The following DZANK1 variants were observed in gnomAD, a reference collection of about 807,000 sequenced individuals.
The protein encoded by DZANK1 is double zinc ribbon and ankyrin repeat-containing protein 1.
In DZANK1, 91 loss-of-function variants were observed where a neutral mutation model predicts 94.5. The ratio of observed to expected loss-of-function variants is 0.96; its 90% CI spans 0.81 to 1.15. The LOEUF (loss-of-function observed/expected upper bound fraction) is 1.15, where lower values mean the gene tolerates loss of function less well. Among genes scored for constraint, DZANK1 ranks in the 50% most tolerant of loss-of-function variants. The pLI is 0.00. For missense variants in DZANK1, 903 were observed against 916.4 expected, an observed-to-expected ratio of 0.99 and a Z score of 0.19; for synonymous variants, 312 against 325.3, an observed-to-expected ratio of 0.96 and a Z score of 0.44.
chr20:18,437,822 A>G (rs191485471), intron 8 of DZANK1, among the ~76,000 whole-genome samples: 22 of 152,306 alleles, frequency 1.4e-4, no homozygotes, highest in African/African-American at 5.3e-4. Context: ...GAATGTGATA[A>G]ATTGAGGTCC....
chr20:18,461,343 T>C (rs2059464635), intron 2 of DZANK1, among the ~76,000 whole-genome samples: 1 of 152,148 alleles, frequency 6.6e-6, no homozygotes, highest in Non-Finnish European at 1.5e-5. Flanking sequence ...GAAATAAATT[T>C]AAATTTTTTT....
chr20:18,423,733 C>A (rs2057903108), intron 10 of DZANK1, among the ~76,000 whole-genome samples: 1 of 152,044 alleles, frequency 6.6e-6, no homozygotes, highest in African/African-American at 2.4e-5. Context: ...AAGAAGAAAT[C>A]ACTGATAAAT....
intron 19 of DZANK1, among the ~76,000 whole-genome samples, chr20:18,389,426 GC>G (rs1235788794): frequency 6.6e-6 from 1 of 152,132 alleles, no homozygotes; most frequent in African/African-American, 2.4e-5. Context: ...GGATTTACTG[GC>G]CCCACACAGT....
At chr20:18,389,594 T>C in intron 19 of DZANK1, 107 bp downstream of exon 19, 1 of 1,453,602 alleles carries the variant, frequency 6.9e-7, no homozygotes, top group Non-Finnish European at 9.2e-7. Flanking sequence ...ATGGTTAAAG[T>C]GGCTGAAACT....
chr20:18,406,937 T>C (rs2056994148), intron 13 of DZANK1, among the ~76,000 whole-genome samples: 1 of 152,022 alleles, frequency 6.6e-6, no homozygotes, highest in Admixed American at 6.5e-5. Context: ...TGTGGACCAG[T>C]AGTGGTGGTG....
chr20:18,393,747 C>G (rs754878964), exon 17 of DZANK1: 1 of 1,613,022 alleles, frequency 6.2e-7, no homozygotes, highest in Non-Finnish European at 8.5e-7. Flanking sequence ...AAGTTTTGGT[C>G]TTGAAATTCT....
At chr20:18,436,584 GA>G (rs1248933459) in intron 8 of DZANK1, among the ~76,000 whole-genome samples, 2 of 151,918 alleles carry the variant, frequency 1.3e-5, no homozygotes, top group African/African-American at 4.8e-5. Context: ...AAAATAAGCA[GA>G]ACATCAAAAA....
chr20:18,408,223 G>C (rs1237834474), intron 13 of DZANK1, among the ~76,000 whole-genome samples: 2 of 152,200 alleles, frequency 1.3e-5, no homozygotes, highest in Admixed American at 1.3e-4. Context: ...GGCTGAGGCA[G>C]GAGAATCGCT....
At chr20:18,464,079 C>CTT (rs539384962) in intron 2 of DZANK1, among the ~76,000 whole-genome samples, 1 of 144,968 alleles carries the variant, frequency 6.9e-6, no homozygotes. Flanking sequence ...TTTTCTTTTT[C>CTT]TTTTTTTTTT....
At chr20:18,411,587 A>G (rs2057258527) in intron 13 of DZANK1, among the ~76,000 whole-genome samples, 1 of 152,218 alleles carries the variant, frequency 6.6e-6, no homozygotes, top group Non-Finnish European at 1.5e-5. Context: ...ACTTCAAAAA[A>G]AAAGAAGTGT....
intron 13 of DZANK1, among the ~76,000 whole-genome samples, chr20:18,409,578 ACACAC>A (rs760960223): frequency 7.8e-5 from 10 of 128,118 alleles, no homozygotes; most frequent in Non-Finnish European, 1.7e-4. Flanking sequence ...ACACACACAC[ACACAC>A]CACCACCACC....
At chr20:18,449,209 A>G (rs2059003887) in intron 6 of DZANK1, 140 bp from the exon 7 acceptor site, 1 of 682,382 alleles carries the variant, frequency 1.5e-6, no homozygotes, top group Non-Finnish European at 2.4e-6. Flanking sequence ...TAGACACTAT[A>G]GACTCTAAAA....
chr20:18,428,273 C>G (rs2148575486), intron 9 of DZANK1, among the ~76,000 whole-genome samples: 1 of 152,000 alleles, frequency 6.6e-6, no homozygotes, highest in African/African-American at 2.4e-5. Flanking sequence ...ACTGCAACCT[C>G]TGCCTCCCGG....
At chr20:18,433,939 T>C (rs2058396017) in intron 8 of DZANK1, 174 bp from the exon 9 acceptor site, 1 of 563,918 alleles carries the variant, frequency 1.8e-6, no homozygotes, top group African/African-American at 1.9e-5. Flanking sequence ...AATGTAAAGT[T>C]TGATTTGTTT....
At position 18,389,930 on chromosome 20, in the gene DZANK1, TGCAACTAAAGTGCTTTCAGATCAAAGGA is replaced by T; in HGVS notation, c.1891-130_1891-103del. ...TAACAGATGTCCTTTACAGAGCTGA[TGCAACTAAAGTGCTTTCAGATCAAAGGA>T]GAGGAGAATCAGGAACCTCAAGACC... is the stretch of plus-strand genomic sequence containing the variant. On this transcript the variant is annotated intron_variant, in intron 18 of 20. Transcript: ENST00000262547. The T allele has an allele frequency of 2.6e-6, 4 of 1,524,546 alleles. No homozygotes were observed. In the South Asian group the frequency reaches 5.1e-5, roughly 19 times the overall value. The allele number at this position is 1,524,546 out of a possible 1,614,324, so 94.4% of individuals were successfully genotyped here.
chr20:18,451,908 C>A lies in DZANK1; in HGVS notation c.543+707G>T, dbSNP rs753206933. On this transcript the variant is annotated intron_variant, in intron 6 of 20. Coordinates refer to ENST00000262547, the Ensembl canonical transcript of DZANK1. ...TCCCTTTCCTCTTCCATGGTCTAATCTCCATACTGTGGCCAAACAGAAAAC... is the reference window on the plus strand; with the variant it reads ...TCCCTTTCCTCTTCCATGGTCTAATATCCATACTGTGGCCAAACAGAAAAC... The A allele has an allele frequency of 3.3e-5, 17 of 518,812 alleles. No individual in the cohort carries two copies. The East Asian group carries it at 9.3e-4, about 28-fold the overall frequency. 32.1% of individuals were successfully genotyped at this position (518,812 alleles called of 1,614,324 possible).
intron 17 of DZANK1, among the ~76,000 whole-genome samples, 196 bp downstream of exon 17, chr20:18,393,515 G>A (rs1184674894): frequency 6.6e-6 from 1 of 152,162 alleles, no homozygotes; most frequent in Non-Finnish European, 1.5e-5. Flanking sequence ...GGAAACTGAT[G>A]GGAACTTTGA....
intron 9 of DZANK1, among the ~76,000 whole-genome samples, chr20:18,427,927 G>A (rs1400267342): frequency 2.0e-5 from 3 of 151,944 alleles, no homozygotes; most frequent in Non-Finnish European, 4.4e-5. Context: ...GAGGCAGGCG[G>A]ATCACAAGGT....
chr20:18,466,654 T>G (rs1368058446), intron 1 of DZANK1, among the ~76,000 whole-genome samples: 1 of 152,174 alleles, frequency 6.6e-6, no homozygotes, highest in Non-Finnish European at 1.5e-5. Context: ...GAGCGTCAAC[T>G]AGCAGCTGCC....
Sources: gnomAD v4.1 joint callset for allele counts (sites outside exome capture counted in the v4.1 genomes callset) on GRCh38, gnomAD v4.1.1 for gene constraint, MANE v1.5 for transcripts, NCBI Gene and HGNC (gene_info 2026-07-23, HGNC 2026-07-21) for gene names.